IFIT3: variants seen among roughly 807,000 people sequenced by gnomAD.
IFIT3 encodes interferon induced protein with tetratricopeptide repeats 3, also known as interferon-induced protein with tetratricopeptide repeats 3.
Under a neutral mutation model 2.4 loss-of-function variants are expected in IFIT3, and 2 were observed. That is an observed-to-expected ratio of 0.82 (90% CI 0.34 to 2.60). The LOEUF is 2.60. Ranked by LOEUF, IFIT3 falls within the 30% of genes most tolerant of loss-of-function variation. The probability of loss-of-function intolerance (pLI) is 0.11; values close to 1 mark genes in which losing one functional copy is unlikely to be tolerated. For synonymous variants in IFIT3, 203 were observed against 212.1 expected (o/e 0.96, Z 0.37); for missense variants, 481 against 562.4 (o/e 0.86, Z 1.46).
At position 89,338,643 on chromosome 10, in the gene IFIT3, T is replaced by C. The variant is rs982306964; in HGVS notation, c.6-18T>C. 3.1e-6 allele frequency: 5 copies of C among 1,599,914 alleles called. No homozygotes were observed. Among genetic ancestry groups the C allele is most frequent in the Non-Finnish European group, 4.3e-6 (5 of 1,172,194 alleles). ...TTGGCAGTGTACATCACAGTGACCA[T>C]GTTTATTTTCTCCACAGTGAGGTCA... On this transcript the variant is annotated intron_variant, in intron 1 of 1. Transcript: ENST00000371818.
chr10:89,335,221 GTAGTTGAC>G (rs1173829038), intron 1 of IFIT3: 3 of 152,182 alleles, frequency 2.0e-5, no homozygotes, highest in African/African-American at 7.2e-5. Flanking sequence ...AGCCACATGA[GTAGTTGAC>G]TATCTTCCTG....
Position 89,340,113 on chromosome 10 carries a change from A to T in IFIT3, c.1458A>T (p.Ser486=), listed in dbSNP as rs1843838664. ...SSSPRELLSN[S]EQLN is the part of the protein sequence containing the mutation. ...GTCCCAGAGAGCTCCTCTCTAACTCAGAGCAACTGAACTGAGACAGAGGAG... is the reference window on the plus strand; with the variant it reads ...GTCCCAGAGAGCTCCTCTCTAACTCTGAGCAACTGAACTGAGACAGAGGAG... Residue 486 remains serine, a synonymous_variant, in exon 2 of 2, where the codon TCA becomes TCT. Transcript: ENST00000371818. 1 of 1,597,242 alleles carries T rather than the reference A, an allele frequency of 6.3e-7. No homozygotes were observed. Among genetic ancestry groups the T allele is most frequent in the Admixed American group, 1.7e-5 (1 of 57,814 alleles).
intron 1 of IFIT3, among the ~76,000 whole-genome samples, chr10:89,333,309 A>G (rs182207587): frequency 5.9e-5 from 9 of 152,338 alleles, no homozygotes; most frequent in Admixed American, 5.9e-4. Context: ...TAGGTCCTGC[A>G]TTCTGAAATC....
intron 1 of IFIT3, among the ~76,000 whole-genome samples, chr10:89,329,896 A>G (rs961341548): frequency 1.3e-5 from 2 of 151,994 alleles, no homozygotes; most frequent in Non-Finnish European, 2.9e-5. Context: ...GGGTGGGGCC[A>G]TTTTATAAGA....
At chr10:89,328,246 T>C (rs564221336) in intron 1 of IFIT3, among the ~76,000 whole-genome samples, 168 bp downstream of exon 1, 167 of 152,352 alleles carry the variant, frequency 1.1e-3, no homozygotes, top group Non-Finnish European at 1.4e-3. Context: ...CCCTGTGGCT[T>C]TTTTTGGTGT....
chr10:89,334,453 TG>T (rs1240545968), intron 1 of IFIT3, among the ~76,000 whole-genome samples: 1 of 150,100 alleles, frequency 6.7e-6, no homozygotes, highest in Non-Finnish European at 1.5e-5. Context: ...CTAGCTATTC[TG>T]TTTTTTCTTC....
intron 1 of IFIT3, among the ~76,000 whole-genome samples, chr10:89,329,420 C>G (rs1843628813): frequency 1.3e-5 from 2 of 152,232 alleles, no homozygotes; most frequent in South Asian, 4.1e-4. Flanking sequence ...TTTACAGGGT[C>G]CTGTCTTTAG....
chr10:89,340,180 G>A lies in IFIT3; in HGVS notation c.*52G>A, dbSNP rs1193468055. ...AAGCCTGCAGTGGTGGTTGTGACGG[G>A]TAGGACGATAGGAAGACAGGGGGCC... is the stretch of plus-strand genomic sequence containing the variant. On this transcript the variant is annotated 3_prime_UTR_variant, in exon 2 of 2. Coordinates refer to ENST00000371818, the MANE Select transcript of IFIT3 (RefSeq NM_001549.6). The A allele has an allele frequency of 6.6e-7, 1 of 1,517,450 alleles. No individual in the cohort carries two copies. The highest frequency in any genetic ancestry group is 1.3e-5 in the South Asian group (1 of 75,112). 94.0% of individuals were successfully genotyped at this position (1,517,450 alleles called of 1,614,324 possible). A position where few individuals can be genotyped will look rare whatever the true frequency, so the allele number is the denominator to read the frequency against.
chr10:89,335,131 T>C (rs926458490), intron 1 of IFIT3, among the ~76,000 whole-genome samples: 4 of 152,154 alleles, frequency 2.6e-5, no homozygotes, highest in Admixed American at 2.6e-4. Flanking sequence ...CCTCATCAAA[T>C]TGGAGACTTT....
Position 89,340,366 on chromosome 10 carries a change from G to C in IFIT3, c.*238G>C, listed in dbSNP as rs1370232557. ...GAGGTCTGGAGTTTGAGACCATCCT[G>C]GCTAACACAGTGAAATCCCGTCTCT... On this transcript the variant is annotated 3_prime_UTR_variant, in exon 2 of 2. Transcript: ENST00000371818. 1 of 332,366 alleles carries C rather than the reference G, an allele frequency of 3.0e-6. No individual in the cohort carries two copies. Among genetic ancestry groups the C allele is most frequent in the African/African-American group, 2.1e-5 (1 of 47,778 alleles). The allele number at this position is 332,366 out of a possible 1,614,324, so 20.6% of individuals were successfully genotyped here.
At position 89,340,004 on chromosome 10, in the gene IFIT3, C is replaced by A; in HGVS notation, c.1349C>A (p.Pro450His). 1 of 1,614,180 alleles carries A rather than the reference C, an allele frequency of 6.2e-7. No homozygotes were observed. Among genetic ancestry groups the A allele is most frequent in the East Asian group, 2.2e-5 (1 of 44,886 alleles). ...CTGGGCCGCCTGCTAAGGGATGCCC[C>A]TTCAGGCATAGGCAGTATTTTCCTG... Reference protein sequence around the residue: ...KELGRLLRDAPSGIGSIFLSA... With the variant: ...KELGRLLRDAHSGIGSIFLSA... Residue 450 changes from proline (P) to histidine (H), a missense_variant, in exon 2 of 2, where the codon CCT (proline) becomes CAT (histidine). Pro to His is a moderately conservative substitution (Grantham distance 77). Coordinates refer to ENST00000371818, the MANE Select transcript of IFIT3 (RefSeq NM_001549.6).
At chr10:89,337,546 T>C (rs149953034) in intron 1 of IFIT3, among the ~76,000 whole-genome samples, 2 of 152,316 alleles carry the variant, frequency 1.3e-5, no homozygotes, top group East Asian at 3.9e-4. Flanking sequence ...ACTACAGGCA[T>C]GTACTACCAT....
intron 1 of IFIT3, among the ~76,000 whole-genome samples, chr10:89,332,135 G>A (rs1009641129): frequency 2.0e-5 from 3 of 152,184 alleles, no homozygotes; most frequent in African/African-American, 7.2e-5. Flanking sequence ...GGAGGCTGAG[G>A]CAGGAGAATC....
rs758776230 is a variant in IFIT3, at chr10:89,339,874, G to A, written c.1219G>A (p.Glu407Lys). 9 of 1,614,192 alleles carry A rather than the reference G, an allele frequency of 5.6e-6. No individual in the cohort carries two copies. The East Asian group carries it at 1.6e-4, about 28-fold the overall frequency. ...CAAAGACCAACCACAGAATGTATCTGAAAATCTGCTTCCACAAAATGCACC... is the reference window on the plus strand; with the variant it reads ...CAAAGACCAACCACAGAATGTATCTAAAAATCTGCTTCCACAAAATGCACC... ...EIKDQPQNVS[E>K]NLLPQNAPNY... The change falls in exon 2 of 2, where the codon GAA (glutamate) becomes AAA (lysine). Residue 407 changes from glutamate (E) to lysine (K), a missense_variant. Coordinates refer to ENST00000371818, the MANE Select transcript of IFIT3 (RefSeq NM_001549.6).
At chr10:89,332,003 C>T (rs920624936) in intron 1 of IFIT3, among the ~76,000 whole-genome samples, 2 of 151,860 alleles carry the variant, frequency 1.3e-5, no homozygotes, top group African/African-American at 4.8e-5. Context: ...GAGGCCAAGG[C>T]GGGCAGATCA....
rs546286810 is a variant in IFIT3 at position 89,340,177 on chromosome 10, C to T, written c.*49C>T. 4.5e-5 allele frequency: 68 copies of T among 1,518,784 alleles called. No individual in the cohort carries two copies. The highest frequency in any genetic ancestry group is 2.3e-4 in the Middle Eastern group (1 of 4,258). The allele number at this position is 1,518,784 out of a possible 1,614,324, so 94.1% of individuals were successfully genotyped here. A position where few individuals can be genotyped will look rare whatever the true frequency, so the allele number is the denominator to read the frequency against. On this transcript the variant is annotated 3_prime_UTR_variant, in exon 2 of 2. Transcript: ENST00000371818. ...CAGAAGCCTGCAGTGGTGGTTGTGA[C>T]GGGTAGGACGATAGGAAGACAGGGG... is the stretch of plus-strand genomic sequence containing the variant.
At chr10:89,329,793 C>T (rs1471540928) in intron 1 of IFIT3, among the ~76,000 whole-genome samples, 1 of 152,124 alleles carries the variant, frequency 6.6e-6, no homozygotes, top group East Asian at 1.9e-4. Context: ...GTGAAGAGAC[C>T]ACCAAACAGG....
chr10:89,334,617 C>G (rs531115843), intron 1 of IFIT3, among the ~76,000 whole-genome samples: 1 of 147,658 alleles, frequency 6.8e-6, no homozygotes, highest in East Asian at 2.1e-4. Context: ...CTCGGCTTCC[C>G]GAGTAGCTGG....
intron 1 of IFIT3, among the ~76,000 whole-genome samples, chr10:89,332,019 T>A (rs1843657748): frequency 6.6e-6 from 1 of 151,724 alleles, no homozygotes; most frequent in Non-Finnish European, 1.5e-5. Flanking sequence ...GATCATGAGG[T>A]CAGGAGTTCG....
Sources: gnomAD v4.1 joint callset for allele counts (sites outside exome capture counted in the v4.1 genomes callset) on GRCh38, gnomAD v4.1.1 for gene constraint, MANE v1.5 for transcripts, NCBI Gene and HGNC (gene_info 2026-07-23, HGNC 2026-07-21) for gene names.